The following METTL24 variants were observed in gnomAD, a reference collection of about 807,000 sequenced individuals.
METTL24 encodes methyltransferase like 24.
In METTL24, 29 loss-of-function variants were observed where a neutral mutation model predicts 32.7. The observed-to-expected ratio is 0.89, with a 90% CI of 0.66 to 1.21. METTL24 has a LOEUF of 1.21. Ranked by LOEUF, METTL24 falls within the 50% of genes most tolerant of loss-of-function variation. The pLI, the probability that METTL24 is intolerant of heterozygous loss-of-function variation, is 0.00. For synonymous variants in METTL24, 163 were observed against 179.5 expected (o/e 0.91, Z 0.73); for missense variants, 439 against 468.1 (o/e 0.94, Z 0.57).
intron 4 of METTL24, among the ~76,000 whole-genome samples, chr6:110,248,542 AAAAGTT>A (rs1321977146): frequency 1.3e-5 from 2 of 148,982 alleles, no homozygotes; most frequent in Non-Finnish European, 3.0e-5. Context: ...CTCAAAGAGA[AAAAGTT>A]AAAACAAAAC....
At chr6:110,280,662 CT>C (rs1231581487) in intron 4 of METTL24, among the ~76,000 whole-genome samples, 2 of 135,832 alleles carry the variant, frequency 1.5e-5, no homozygotes, top group Admixed American at 7.3e-5. Context: ...TTTTTTTTTT[CT>C]TTTTTTTTGA....
chr6:110,328,838 A>G (rs186663424), intron 1 of METTL24, among the ~76,000 whole-genome samples: 1 of 152,340 alleles, frequency 6.6e-6, no homozygotes, highest in East Asian at 1.9e-4. Context: ...ATTCTGTGTT[A>G]TGCAAAAGCT....
chr6:110,257,724 G>T (rs954301287), intron 4 of METTL24, among the ~76,000 whole-genome samples: 1 of 152,214 alleles, frequency 6.6e-6, no homozygotes, highest in Non-Finnish European at 1.5e-5. Context: ...AACACCAGGT[G>T]AGCTTTTCAT....
chr6:110,272,956 G>T (rs929999842), intron 4 of METTL24, among the ~76,000 whole-genome samples: 2 of 151,754 alleles, frequency 1.3e-5, no homozygotes, highest in African/African-American at 4.8e-5. Flanking sequence ...TGTGCAGAAG[G>T]GTTTTAGTTT....
chr6:110,346,584 A>C (rs1423312385), intron 1 of METTL24, among the ~76,000 whole-genome samples: 4 of 148,474 alleles, frequency 2.7e-5, no homozygotes, highest in Admixed American at 6.8e-5. Flanking sequence ...GGCTCACTGC[A>C]ACCTCCACCT....
intron 4 of METTL24, among the ~76,000 whole-genome samples, chr6:110,288,515 CATT>C (rs1409447642): frequency 6.6e-6 from 1 of 152,098 alleles, no homozygotes; most frequent in Non-Finnish European, 1.5e-5. Context: ...AGTCTATGGA[CATT>C]ATTTGTTCAG....
At chr6:110,306,820 A>C (rs1270527984) in intron 3 of METTL24, among the ~76,000 whole-genome samples, 4 of 152,222 alleles carry the variant, frequency 2.6e-5, no homozygotes, top group Non-Finnish European at 5.9e-5. Context: ...ACCAGGAGTC[A>C]AATCCAATCC....
At chr6:110,284,395 A>T (rs2114719763) in intron 4 of METTL24, among the ~76,000 whole-genome samples, 1 of 152,338 alleles carries the variant, frequency 6.6e-6, no homozygotes, top group African/African-American at 2.4e-5. Context: ...TTTAAAAATT[A>T]AAAAGAGACT....
intron 1 of METTL24, among the ~76,000 whole-genome samples, chr6:110,354,963 A>T (rs1772676500): frequency 6.6e-6 from 1 of 152,226 alleles, no homozygotes; most frequent in East Asian, 1.9e-4. Flanking sequence ...ATAAATTTTT[A>T]ACCAAAGACA....
Position 110,298,970 on chromosome 6 carries a change from G to C in METTL24, c.738C>G (p.Ser246Arg). 4 of 1,614,152 alleles carry C rather than the reference G, an allele frequency of 2.5e-6. No individual in the cohort carries two copies. The highest frequency in any genetic ancestry group is 3.4e-6 in the Non-Finnish European group (4 of 1,180,026). The change falls in exon 4 of 5, where the codon AGC (serine) becomes AGG (arginine). Residue 246 changes from serine to arginine, a missense_variant. By Grantham distance (110) the Ser-to-Arg change is moderately radical (BLOSUM62 -1). Coordinates refer to ENST00000338882, the MANE Select transcript of METTL24 (RefSeq NM_001123364.3). ...AAATGCTTCCCAGTTTTCTGGTGTT[G>C]CTATGTGGTTTTTGGGCAGCAACAG... ...HPAVAAQKPH[S>R]NTRKLGSILN...
chr6:110,291,551 T>G (rs1266472705), intron 4 of METTL24, among the ~76,000 whole-genome samples: 1 of 152,188 alleles, frequency 6.6e-6, no homozygotes, highest in Non-Finnish European at 1.5e-5. Context: ...TAAAAAAAAC[T>G]TCTATTTTCC....
In METTL24 at chr6:110,358,246, C is replaced by G. The variant is rs778633816; in HGVS notation, c.27G>C (p.Arg9Ser). 5 of 1,485,558 alleles carry G rather than the reference C, an allele frequency of 3.4e-6. No individual in the cohort carries two copies. The highest frequency in any genetic ancestry group is 2.9e-5 in the African/African-American group (2 of 68,322). The allele number at this position is 1,485,558 out of a possible 1,614,324, so 92.0% of individuals were successfully genotyped here. The change falls in exon 1 of 5, where the codon AGG becomes AGC. Residue 9 changes from arginine to serine, a missense_variant. Coordinates refer to ENST00000338882, the MANE Select transcript of METTL24 (RefSeq NM_001123364.3). ...GACACCGGCGCAGGACGCCGCAGCC[C>G]CTCCCGGGCGGCCTCTCCCGGGCCA... MARERPPG[R>S]GCGVLRRCLL...
At chr6:110,303,663 A>G (rs9487360) in intron 3 of METTL24, among the ~76,000 whole-genome samples, 35,789 of 152,086 alleles carry the variant, frequency 0.24, 6,855 homozygotes, top group African/African-American at 0.53. Context: ...CAGCAACCCC[A>G]CTCAGGGGCT....
At chr6:110,294,363 T>C (rs1381518594) in intron 4 of METTL24, among the ~76,000 whole-genome samples, 1 of 152,002 alleles carries the variant, frequency 6.6e-6, no homozygotes, top group Non-Finnish European at 1.5e-5. Context: ...ATCCTTATCA[T>C]GTTTAGAAGG....
chr6:110,322,866 G>A lies in METTL24; in HGVS notation c.325C>T (p.Arg109Trp), dbSNP rs200158177. ...PRGRPRRKGP[R>W]WHIDLQPWAG... ...CAAGGCTGGAGATCTATATGCCACC[G>A]GGGACCCTGCAAGAGACAGAAAACA... is the stretch of plus-strand genomic sequence containing the variant. Residue 109 changes from arginine (R) to tryptophan (W), a missense_variant, in exon 2 of 5, where the codon CGG becomes TGG. Arg to Trp is a moderately radical substitution (Grantham distance 101). Coordinates refer to ENST00000338882, the MANE Select transcript of METTL24 (RefSeq NM_001123364.3). 7.2e-5 allele frequency: 116 copies of A among 1,611,562 alleles called. No individual in the cohort carries two copies. In the African/African-American group the frequency reaches 7.5e-4, roughly 10 times the overall value.
At chr6:110,252,927 A>G (rs1778309313) in intron 4 of METTL24, among the ~76,000 whole-genome samples, 1 of 152,158 alleles carries the variant, frequency 6.6e-6, no homozygotes, top group African/African-American at 2.4e-5. Flanking sequence ...CTAGTTTTGA[A>G]CAAGAGACCC....
chr6:110,327,625 A>G (rs1772038459), intron 1 of METTL24, among the ~76,000 whole-genome samples: 1 of 152,162 alleles, frequency 6.6e-6, no homozygotes, highest in Non-Finnish European at 1.5e-5. Flanking sequence ...GCAGTTTGTG[A>G]TTATTTCCCC....
At chr6:110,302,139 G>A (rs560544766) in intron 3 of METTL24, among the ~76,000 whole-genome samples, 54 of 152,020 alleles carry the variant, frequency 3.6e-4, no homozygotes, top group African/African-American at 1.2e-3. Context: ...TTAGCCAGGC[G>A]TGGTGGTGGG....
At position 110,298,998 on chromosome 6, in the gene METTL24, G is replaced by T; in HGVS notation, c.710C>A (p.Pro237Gln). 6.2e-7 allele frequency: 1 copy of T among 1,614,194 alleles called. No individual in the cohort carries two copies. Among genetic ancestry groups the T allele is most frequent in the Non-Finnish European group, 8.5e-7 (1 of 1,180,040 alleles). The change falls in exon 4 of 5, where the codon CCA (proline) becomes CAA (glutamine). Residue 237 changes from proline (P) to glutamine (Q), a missense_variant. Coordinates refer to ENST00000338882, the MANE Select transcript of METTL24 (RefSeq NM_001123364.3). ...ATGTGGTTTTTGGGCAGCAACAGCTGGATGGGGATCCCGCCAGTCAATGGA... is the reference window on the plus strand; with the variant it reads ...ATGTGGTTTTTGGGCAGCAACAGCTTGATGGGGATCCCGCCAGTCAATGGA... ...RLSIDWRDPH[P>Q]AVAAQKPHSN...
Sources: gnomAD v4.1 joint callset for allele counts (sites outside exome capture counted in the v4.1 genomes callset) on GRCh38, gnomAD v4.1.1 for gene constraint, MANE v1.5 for transcripts, NCBI Gene and HGNC (gene_info 2026-07-23, HGNC 2026-07-21) for gene names.